The following POLK variants were observed in gnomAD, a reference collection of about 807,000 sequenced individuals.
POLK encodes polymerase (DNA directed) kappa.
Under a neutral mutation model 94.0 loss-of-function variants are expected in POLK, and 76 were observed. The observed-to-expected ratio is 0.81, with a 90% CI of 0.67 to 0.98. POLK has a LOEUF of 0.98. Ranked by LOEUF, POLK falls within the 50% of genes least tolerant of loss-of-function variation. The pLI is 0.00. For missense variants in POLK, 954 were observed against 1,010.1 expected, an observed-to-expected ratio of 0.94 and a Z score of 0.75; for synonymous variants, 349 against 325.4, an observed-to-expected ratio of 1.07 and a Z score of -0.78.
Position 75,590,338 on chromosome 5 carries a change from T to A in POLK, c.1260-6T>A. On this transcript the variant is annotated splice_region_variant and splice_polypyrimidine_tract_variant and intron_variant, in intron 10 of 14. Coordinates refer to ENST00000241436, the Ensembl canonical transcript of POLK. ...TTGTGCGCCAAAATTATTCTTGTCTTTCTAGGACATTCAGTGAGATAAATA... is the reference window on the plus strand; with the variant it reads ...TTGTGCGCCAAAATTATTCTTGTCTATCTAGGACATTCAGTGAGATAAATA... The A allele has an allele frequency of 6.5e-7, 1 of 1,539,830 alleles. No homozygotes were observed. The highest frequency in any genetic ancestry group is 8.9e-7 in the Non-Finnish European group (1 of 1,127,074).
downstream of POLK, among the ~76,000 whole-genome samples, chr5:75,602,569 AAAAG>A (rs543131797): frequency 6.2e-4 from 94 of 152,316 alleles, no homozygotes; most frequent in Middle Eastern, 3.4e-3. Context: ...TAAAATATAA[AAAAG>A]AAAGATCACT....
At chr5:75,552,827 C>T (rs1770401734) in intron 3 of POLK, among the ~76,000 whole-genome samples, 1 of 152,094 alleles carries the variant, frequency 6.6e-6, no homozygotes. Flanking sequence ...TAAATGAAGT[C>T]TTAATTAAGT....
chr5:75,583,209 A>AT, intron 7 of POLK, 84 bp from the exon 8 acceptor site: 1 of 990,736 alleles, frequency 1.0e-6, no homozygotes, highest in East Asian at 2.6e-5. Context: ...TTTGCAATTA[A>AT]CTTTTTTTTT....
intron 1 of POLK, among the ~76,000 whole-genome samples, chr5:75,533,655 C>T (rs754700927): frequency 3.4e-4 from 52 of 152,130 alleles, no homozygotes; most frequent in Non-Finnish European, 5.9e-4. Context: ...ATGGAAATAG[C>T]GCTGAATCTG....
At chr5:75,528,638 C>T (rs1358416253) in intron 1 of POLK, among the ~76,000 whole-genome samples, 1 of 150,552 alleles carries the variant, frequency 6.6e-6, no homozygotes, top group Non-Finnish European at 1.5e-5. Context: ...ATAGCAAGAA[C>T]TCCACTCTAC....
rs373270349 is a variant in POLK, at chr5:75,587,679, G to A, written c.1259+621G>A. On this transcript the variant is annotated intron_variant, in intron 10 of 14. Transcript: ENST00000241436. ...CTCACCCCTGTAATCCCAGCATTTT[G>A]GGAGGCTGAGGTGGGCAGATCACTT... Among the ~76,000 whole-genome samples the A allele has an allele frequency of 1.2e-4, 18 of 152,282 alleles. No individual in the cohort carries two copies. In the East Asian group the frequency reaches 2.9e-3, roughly 24 times the overall value.
intron 6 of POLK, among the ~76,000 whole-genome samples, chr5:75,578,660 A>G (rs1342743634): frequency 1.3e-5 from 2 of 152,164 alleles, no homozygotes; most frequent in East Asian, 1.9e-4. Context: ...ACCTCACATC[A>G]TGCCATGGGA....
chr5:75,524,772 G>T (rs1768750790), intron 1 of POLK, among the ~76,000 whole-genome samples: 1 of 152,144 alleles, frequency 6.6e-6, no homozygotes, highest in Non-Finnish European at 1.5e-5. Context: ...CATAACTAAT[G>T]TTCCAGTACA....
chr5:75,515,086 T>C (rs1768261022), intron 1 of POLK, among the ~76,000 whole-genome samples: 1 of 152,162 alleles, frequency 6.6e-6, no homozygotes, highest in South Asian at 2.1e-4. Flanking sequence ...CTAGCAAATA[T>C]ATGTTCCAAT....
chr5:75,552,412 A>G, intron 2 of POLK, 60 bp from the exon 3 acceptor site: 2 of 1,541,254 alleles, frequency 1.3e-6, no homozygotes, highest in South Asian at 1.2e-5. Context: ...ACCAGGTTAT[A>G]CTACAGTGAT....
At chr5:75,532,912 G>C (rs977056665) in intron 1 of POLK, among the ~76,000 whole-genome samples, 13 of 152,038 alleles carry the variant, frequency 8.6e-5, no homozygotes, top group Non-Finnish European at 1.6e-4. Flanking sequence ...TCATGTTTTT[G>C]CCCACTTTAT....
chr5:75,605,484 C>G (rs189207005), downstream of POLK, among the ~76,000 whole-genome samples: 1 of 152,072 alleles, frequency 6.6e-6, no homozygotes, highest in Non-Finnish European at 1.5e-5. Flanking sequence ...TATGAAGGCT[C>G]AAAAGTTTTT....
At chr5:75,536,502 T>A (rs758323471) in intron 1 of POLK, among the ~76,000 whole-genome samples, 2 of 151,814 alleles carry the variant, frequency 1.3e-5, no homozygotes, top group African/African-American at 2.4e-5. Flanking sequence ...GGTGTTTCCA[T>A]GGCAACAGGA....
intron 5 of POLK, among the ~76,000 whole-genome samples, chr5:75,575,641 C>A (rs1771834186): frequency 3.3e-5 from 5 of 152,138 alleles, no homozygotes; most frequent in Admixed American, 3.3e-4. Context: ...AGTTGGCTGC[C>A]AGTTACAGAC....
intron 2 of POLK, among the ~76,000 whole-genome samples, chr5:75,548,510 CAATATT>C (rs1482662698): frequency 1.3e-5 from 2 of 148,362 alleles, no homozygotes; most frequent in East Asian, 3.9e-4. Flanking sequence ...TAATGTATAT[CAATATT>C]AATATACATT....
chr5:75,599,614 T>C (rs1042763366), exon 15 of POLK: 1 of 152,222 alleles, frequency 6.6e-6, no homozygotes, highest in Admixed American at 6.5e-5. Context: ...TGTACAAATT[T>C]AAGTTCAATG....
At chr5:75,535,898 C>CT (rs1418239179) in intron 1 of POLK, among the ~76,000 whole-genome samples, 1 of 152,130 alleles carries the variant, frequency 6.6e-6, no homozygotes, top group Non-Finnish European at 1.5e-5. Context: ...TTTTGACTGT[C>CT]TCCTATATGT....
chr5:75,534,799 C>T (rs1005175973), intron 1 of POLK: 1 of 152,090 alleles, frequency 6.6e-6, no homozygotes, highest in African/African-American at 2.4e-5. Flanking sequence ...GCAATCCATG[C>T]TTTTTTCTGT....
chr5:75,608,447 G>A, the POLK span, among the ~76,000 whole-genome samples: 4 of 152,168 alleles, frequency 2.6e-5, no homozygotes, highest in Admixed American at 6.5e-5. Flanking sequence ...CTCCCACTTC[G>A]GCCTCTCAAA....
Sources: gnomAD v4.1 joint callset for allele counts (sites outside exome capture counted in the v4.1 genomes callset) on GRCh38, gnomAD v4.1.1 for gene constraint, MANE v1.5 for transcripts, NCBI Gene and HGNC (gene_info 2026-07-23, HGNC 2026-07-21) for gene names.